C8orf34: variants seen among roughly 807,000 people sequenced by gnomAD.
The protein encoded by C8orf34 is uncharacterized protein C8orf34.
In C8orf34, 65 loss-of-function variants were observed where a neutral mutation model predicts 68.3. That is an observed-to-expected ratio of 0.95 (90% CI 0.78 to 1.17). The LOEUF is 1.17. Among genes scored for constraint, C8orf34 ranks in the 50% most tolerant of loss-of-function variants. The probability of loss-of-function intolerance (pLI) is 0.00; values close to 1 mark genes in which losing one functional copy is unlikely to be tolerated. For missense variants in C8orf34, 664 were observed against 655.4 expected (o/e 1.01, Z -0.14); for synonymous variants, 244 against 241.2 (o/e 1.01, Z -0.11).
chr8:68,376,696 A>T (rs1435191524), intron 1 of C8orf34, among the ~76,000 whole-genome samples: 1 of 151,894 alleles, frequency 6.6e-6, no homozygotes, highest in Admixed American at 6.6e-5. Flanking sequence ...AAACAAAACA[A>T]AGTTTTGTTT....
At chr8:68,399,554 C>A (rs145751729) in intron 1 of C8orf34, among the ~76,000 whole-genome samples, 15 of 152,234 alleles carry the variant, frequency 9.9e-5, no homozygotes, top group African/African-American at 3.6e-4. Flanking sequence ...TTTATTCAGT[C>A]ATCTGTTGAT....
At chr8:68,330,415 C>A (rs1805516781), upstream of C8orf34, among the ~76,000 whole-genome samples, 2 of 152,076 alleles carry the variant, frequency 1.3e-5, no homozygotes, top group African/African-American at 4.8e-5. Flanking sequence ...CTGCGTTCAC[C>A]CGTCGACTTG....
intron 12 of C8orf34, among the ~76,000 whole-genome samples, chr8:68,799,294 C>T (rs1824264548): frequency 6.6e-6 from 1 of 152,150 alleles, no homozygotes; most frequent in African/African-American, 2.4e-5. Flanking sequence ...AGAAAATCTA[C>T]TTCATTCTTT....
chr8:68,795,311 T>A (rs1176511426), intron 12 of C8orf34, among the ~76,000 whole-genome samples: 2 of 150,698 alleles, frequency 1.3e-5, no homozygotes, highest in Non-Finnish European at 2.9e-5. Context: ...TCATGGACAG[T>A]TTTTATTGAC....
chr8:68,497,063 T>C (rs1813555320), intron 5 of C8orf34, among the ~76,000 whole-genome samples: 1 of 152,198 alleles, frequency 6.6e-6, no homozygotes, highest in Non-Finnish European at 1.5e-5. Context: ...ATGTGGCCCA[T>C]GTTTGTCTCT....
In C8orf34 at chr8:68,784,393, T is replaced by C. The variant is rs1046844726; in HGVS notation, c.1456-3050T>C. On this transcript the variant is annotated intron_variant, in intron 11 of 13. Transcript: ENST00000518698. ...ATCCTATCAATATGCTGTATTGCTG[T>C]TGACCTTGGTCACCTGGCTAGAGAT... 2.0e-5 allele frequency among the ~76,000 whole-genome samples: 3 copies of C among 152,342 alleles called. No individual in the cohort carries two copies. In the South Asian group the frequency reaches 6.2e-4, roughly 32 times the overall value.
intron 7 of C8orf34, among the ~76,000 whole-genome samples, chr8:68,560,458 T>C (rs1563530512): frequency 1.3e-5 from 2 of 152,352 alleles, no homozygotes; most frequent in Admixed American, 1.3e-4. Flanking sequence ...GTTACAGTCA[T>C]GCTTCACTTA....
intron 1 of C8orf34, among the ~76,000 whole-genome samples, chr8:68,437,118 T>A (rs1810698352): frequency 6.6e-6 from 1 of 152,212 alleles, no homozygotes; most frequent in African/African-American, 2.4e-5. Context: ...TCCTGTGTCT[T>A]TAATCTCATA....
At chr8:68,435,446 T>C (rs1208136159) in intron 1 of C8orf34, among the ~76,000 whole-genome samples, 7 of 152,086 alleles carry the variant, frequency 4.6e-5, no homozygotes, top group African/African-American at 1.7e-4. Context: ...TGACCCTGAA[T>C]ATACCAGCCT....
chr8:68,798,288 CTTTT>C (rs10690187), intron 12 of C8orf34, among the ~76,000 whole-genome samples: 1 of 125,050 alleles, frequency 8.0e-6, no homozygotes, highest in Non-Finnish European at 1.6e-5. Context: ...TTATGTCTGG[CTTTT>C]TTTTTTTTTT....
chr8:68,598,525 C>T (rs1266918939), intron 7 of C8orf34, among the ~76,000 whole-genome samples: 3 of 152,060 alleles, frequency 2.0e-5, no homozygotes, highest in Non-Finnish European at 2.9e-5. Flanking sequence ...TGGATCATGG[C>T]TTTAGGGTAT....
At chr8:68,774,965 A>AAAAAAAAAAAAAAAAAAAAAAAAAAAAC (rs1823468880) in intron 10 of C8orf34, among the ~76,000 whole-genome samples, 1 of 148,904 alleles carries the variant, frequency 6.7e-6, no homozygotes. Context: ...AAAAAAAAAA[A>AAAAAAAAAAAAAAAAAAAAAAAAAAAAC]AATTAGCTGG....
intron 1 of C8orf34, among the ~76,000 whole-genome samples, chr8:68,384,782 T>C (rs768729483): frequency 8.5e-5 from 13 of 152,196 alleles, no homozygotes; most frequent in Non-Finnish European, 1.6e-4. Context: ...GCACTCTGCA[T>C]ATATTTTGAA....
chr8:68,558,299 C>G (rs1341341048), intron 7 of C8orf34, among the ~76,000 whole-genome samples: 4 of 152,038 alleles, frequency 2.6e-5, no homozygotes, highest in Admixed American at 1.3e-4. Context: ...TATTCTTCAC[C>G]TCATTTTAGG....
In C8orf34 at chr8:68,675,160, T is replaced by C. The variant is rs545393643; in HGVS notation, c.1242-33834T>C. On this transcript the variant is annotated intron_variant, in intron 8 of 13. Transcript: ENST00000518698. ...GTTCCACAAGAAATGCTACAGAGAG[T>C]TCTTCAATCTGAAAGAAAAAGATGT... 1.2e-3 allele frequency among the ~76,000 whole-genome samples: 179 copies of C among 151,722 alleles called. 1 individual carries two copies. Among genetic ancestry groups the C allele is most frequent in the Non-Finnish European group, 2.2e-3 (152 of 67,876 alleles).
chr8:68,532,055 C>T (rs1311156627), intron 6 of C8orf34, among the ~76,000 whole-genome samples: 9 of 152,090 alleles, frequency 5.9e-5, no homozygotes. Flanking sequence ...GACATGCTTT[C>T]CTTCCCTGCC....
At chr8:68,806,140 T>C (rs1824475538) in intron 12 of C8orf34, among the ~76,000 whole-genome samples, 3 of 152,106 alleles carry the variant, frequency 2.0e-5, no homozygotes, top group Non-Finnish European at 2.9e-5. Flanking sequence ...TCCCGAATTT[T>C]ATAGGAGTAT....
rs1307472493 is a variant in C8orf34 at position 68,397,648 on chromosome 8, G to A, written c.328-41851G>A. Among the ~76,000 whole-genome samples, 5 of 152,064 alleles carry A rather than the reference G, an allele frequency of 3.3e-5. No homozygotes were observed. The East Asian group carries it at 9.7e-4, about 29-fold the overall frequency. Reference sequence around the variant, plus strand: ...ATAAATAGCACTTGACTATATCCTTGTGCATTTATCATTTTAGAGTGGCTA... The same window carrying A: ...ATAAATAGCACTTGACTATATCCTTATGCATTTATCATTTTAGAGTGGCTA... On this transcript the variant is annotated intron_variant, in intron 1 of 13. Transcript: ENST00000518698.
intron 10 of C8orf34, among the ~76,000 whole-genome samples, chr8:68,766,459 T>G (rs572438804): frequency 3.4e-4 from 52 of 152,290 alleles, no homozygotes; most frequent in Middle Eastern, 3.4e-3. Flanking sequence ...TGGAGGAGAA[T>G]TTAAAGGCTT....
Sources: gnomAD v4.1 joint callset for allele counts (sites outside exome capture counted in the v4.1 genomes callset) on GRCh38, gnomAD v4.1.1 for gene constraint, MANE v1.5 for transcripts, NCBI Gene and HGNC (gene_info 2026-07-23, HGNC 2026-07-21) for gene names.